Variants in DOCK8 observed in about 807,000 individuals in gnomAD.
The protein encoded by DOCK8 is dedicator of cytokinesis protein 8.
A neutral mutation model predicts 245.6 loss-of-function variants in DOCK8; 141 were observed. The observed-to-expected ratio is 0.57, with a 90% confidence interval of 0.50 to 0.66. The LOEUF is 0.66. Among genes scored for constraint, DOCK8 ranks in the 30% least tolerant of loss-of-function variants. The pLI is 0.00. For missense variants in DOCK8, 2,965 were observed against 2,603.4 expected (o/e 1.14, Z -3.02); for synonymous variants, 1,168 against 970.2 (o/e 1.20, Z -3.79).
intron 14 of DOCK8, among the ~76,000 whole-genome samples, chr9:344,371 T>G (rs1284924828): frequency 1.3e-5 from 2 of 152,250 alleles, no homozygotes; most frequent in Non-Finnish European, 2.9e-5. Context: ...TCTAAATTTT[T>G]AGTGTTCTTC....
intron 26 of DOCK8, among the ~76,000 whole-genome samples, chr9:401,311 G>A (rs1420237684): frequency 6.6e-6 from 1 of 152,162 alleles, no homozygotes; most frequent in Non-Finnish European, 1.5e-5. Context: ...TTACATAAGA[G>A]CGGAAGCCCC....
At chr9:388,431 A>C (rs1201361236) in intron 23 of DOCK8, among the ~76,000 whole-genome samples, 1 of 152,210 alleles carries the variant, frequency 6.6e-6, no homozygotes, top group Non-Finnish European at 1.5e-5. Context: ...TGGTTAAAAT[A>C]CCCAAGCATG....
intron 4 of DOCK8, among the ~76,000 whole-genome samples, chr9:299,508 C>A (rs865906752): frequency 5.3e-5 from 8 of 152,086 alleles, no homozygotes; most frequent in Non-Finnish European, 1.2e-4. Context: ...AGTGGTGCTC[C>A]CGCCTTGGCC....
At chr9:375,336 G>T (rs7028345) in intron 18 of DOCK8, among the ~76,000 whole-genome samples, 1 of 152,062 alleles carries the variant, frequency 6.6e-6, no homozygotes, top group Non-Finnish European at 1.5e-5. Flanking sequence ...GAAACTGTCT[G>T]TAAGACCTAC....
chr9:245,503 C>T (rs1474051701), intron 1 of DOCK8, among the ~76,000 whole-genome samples: 6 of 152,066 alleles, frequency 3.9e-5, no homozygotes, highest in Non-Finnish European at 7.4e-5. Flanking sequence ...CCACCATGCC[C>T]GGCCAATAGT....
chr9:402,783 A>T (rs891646251), intron 26 of DOCK8, among the ~76,000 whole-genome samples: 39 of 152,306 alleles, frequency 2.6e-4, no homozygotes, highest in African/African-American at 9.4e-4. Flanking sequence ...CTAAGCAAAC[A>T]CCCATCCCTT....
At chr9:403,918 ATATATATATATGTG>A (rs1204309085) in intron 26 of DOCK8, among the ~76,000 whole-genome samples, 2,345 of 74,908 alleles carry the variant, frequency 0.031, 37 homozygotes, top group Admixed American at 0.069. Flanking sequence ...ATATATATAC[ATATATATATATGTG>A]TATATATATA....
intron 8 of DOCK8, among the ~76,000 whole-genome samples, chr9:327,018 GCTCAGAATCTTCA>G (rs2050792717): frequency 6.6e-6 from 1 of 152,170 alleles, no homozygotes; most frequent in African/African-American, 2.4e-5. Context: ...TCATGCTCTT[GCTCAGAATCTTCA>G]CTAAGATTCA....
chr9:394,231 C>A (rs1038084765), intron 24 of DOCK8, among the ~76,000 whole-genome samples: 18 of 145,096 alleles, frequency 1.2e-4, no homozygotes, highest in Non-Finnish European at 2.5e-4. Flanking sequence ...ACCCCCTTCC[C>A]AGCATTCAGA....
At chr9:271,816 C>T (rs2048172479) in intron 2 of DOCK8, 87 bp downstream of exon 2, 4 of 834,456 alleles carry the variant, frequency 4.8e-6, no homozygotes, top group Non-Finnish European at 7.8e-6. Context: ...CTTAGATCTT[C>T]CTACCATCAC....
intron 26 of DOCK8, among the ~76,000 whole-genome samples, chr9:404,178 C>A (rs1050854620): frequency 6.6e-6 from 1 of 151,664 alleles, no homozygotes; most frequent in African/African-American, 2.4e-5. Context: ...TTTAGAGGAG[C>A]TGCCTCTGAG....
intron 46 of DOCK8, among the ~76,000 whole-genome samples, chr9:455,402 G>A (rs549226878): frequency 6.6e-6 from 1 of 152,148 alleles, no homozygotes; most frequent in East Asian, 1.9e-4. Flanking sequence ...CCAGCTACTC[G>A]AGAGGCTGAG....
intron 2 of DOCK8, chr9:272,947 T>C (rs2048203313): frequency 4.1e-6 from 3 of 733,618 alleles, no homozygotes; most frequent in Non-Finnish European, 5.0e-6. Context: ...TTCTGCTGCT[T>C]ATCTTGAAGA....
chr9:439,458 C>T, intron 40 of DOCK8, 70 bp downstream of exon 40: 1 of 1,590,824 alleles, frequency 6.3e-7, no homozygotes, highest in East Asian at 2.2e-5. Flanking sequence ...GCTGGGAACA[C>T]CTGGTCTTAA....
intron 1 of DOCK8, among the ~76,000 whole-genome samples, chr9:270,979 AGGT>A (rs2048148508): frequency 6.6e-6 from 1 of 152,200 alleles, no homozygotes; most frequent in Non-Finnish European, 1.5e-5. Context: ...ACATGCCAGC[AGGT>A]GTGAGTAGAC....
At chr9:399,530 T>G (rs1564010490) in intron 26 of DOCK8, among the ~76,000 whole-genome samples, 1 of 152,132 alleles carries the variant, frequency 6.6e-6, no homozygotes, top group Non-Finnish European at 1.5e-5. Flanking sequence ...GATCTGAATC[T>G]TCAATTTGAC....
At chr9:263,139 A>G (rs2047957877) in intron 1 of DOCK8, among the ~76,000 whole-genome samples, 1 of 152,068 alleles carries the variant, frequency 6.6e-6, no homozygotes, top group Non-Finnish European at 1.5e-5. Flanking sequence ...CTGGGGAGGC[A>G]GAGGTTGCAG....
At chr9:214,715 G>A (rs1351858979), upstream of DOCK8, 2 of 1,545,202 alleles carry the variant, frequency 1.3e-6, no homozygotes, top group South Asian at 2.4e-5. Flanking sequence ...CGGGAGGCCA[G>A]TTCCGCGCTG....
intron 1 of DOCK8, among the ~76,000 whole-genome samples, chr9:238,428 A>T (rs760442997): frequency 6.6e-6 from 1 of 152,234 alleles, no homozygotes; most frequent in Non-Finnish European, 1.5e-5. Flanking sequence ...CACTTGGTAG[A>T]TACTCAAAAA....
Sources: allele counts gnomAD v4.1 joint callset (sites outside exome capture counted in the v4.1 genomes callset), GRCh38; gene constraint gnomAD v4.1.1; transcripts MANE v1.5; gene names NCBI Gene and HGNC (gene_info 2026-07-23, HGNC 2026-07-21).